Variants in MAML3 observed in about 807,000 individuals in gnomAD.
MAML3 encodes the protein mastermind like transcriptional coactivator 3, also known as mastermind-like protein 3.
In MAML3, 27 loss-of-function variants were observed where a neutral mutation model predicts 101.9. That is an observed-to-expected ratio of 0.27 (90% confidence interval 0.20 to 0.37). MAML3 has a LOEUF of 0.37. Ranked by LOEUF, MAML3 falls within the 10% of genes least tolerant of loss-of-function variation. The probability of loss-of-function intolerance (pLI) is 1.00; values close to 1 mark genes in which losing one functional copy is unlikely to be tolerated. For missense variants in MAML3, 1,316 were observed against 1,444.9 expected (o/e 0.91, Z 1.45); for synonymous variants, 501 against 555.9 (o/e 0.90, Z 1.39).
Position 139,735,472 on chromosome 4 carries a change from G to A in MAML3, c.2080-4805C>T, listed in dbSNP as rs554541125. Reference sequence around the variant, plus strand: ...GTAGGGGGGCAGTGGCGACCTCCGGGGGGGGAGGGTGGCGGACACCAGACC... The same window carrying A: ...GTAGGGGGGCAGTGGCGACCTCCGGAGGGGGAGGGTGGCGGACACCAGACC... On this transcript the variant is annotated intron_variant, in intron 2 of 4. Coordinates refer to ENST00000509479, the MANE Select transcript of MAML3 (RefSeq NM_018717.5). The surrounding 1 kb of genome is among the most constrained non-coding windows in gnomAD (Gnocchi z 5.8). Among the ~76,000 whole-genome samples, 10 of 151,896 alleles carry A rather than the reference G, an allele frequency of 6.6e-5. No homozygotes were observed. Among genetic ancestry groups the A allele is most frequent in the South Asian group, 2.1e-4 (1 of 4,802 alleles).
intron 1 of MAML3, among the ~76,000 whole-genome samples, chr4:139,901,753 T>C (rs1049766335): frequency 1.6e-4 from 24 of 152,332 alleles, no homozygotes; most frequent in African/African-American, 4.1e-4. Flanking sequence ...TTTCGATTTG[T>C]TTATTTTCTG....
At chr4:139,832,106 T>TCCAC (rs1197389329) in intron 2 of MAML3, among the ~76,000 whole-genome samples, 1 of 106,274 alleles carries the variant, frequency 9.4e-6, no homozygotes, top group African/African-American at 5.9e-5. Flanking sequence ...TTTTTTTTTT[T>TCCAC]TTTTTTTTTT....
intron 1 of MAML3, among the ~76,000 whole-genome samples, chr4:140,105,437 A>T (rs1264955217): frequency 6.6e-6 from 1 of 152,182 alleles, no homozygotes; most frequent in Non-Finnish European, 1.5e-5. Context: ...TTAGAGCTAA[A>T]CTAAGCCCAG....
At chr4:140,085,017 A>T (rs1353041659) in intron 1 of MAML3, among the ~76,000 whole-genome samples, 2 of 152,004 alleles carry the variant, frequency 1.3e-5, no homozygotes, top group East Asian at 3.9e-4. Context: ...TCATTTGGTG[A>T]TAATTTGGAA....
chr4:139,866,727 C>T (rs1467393708), intron 2 of MAML3, among the ~76,000 whole-genome samples: 1 of 152,124 alleles, frequency 6.6e-6, no homozygotes, highest in African/African-American at 2.4e-5. Context: ...GTCAGCCAAG[C>T]GAAGACGAAG....
At chr4:140,150,231 C>T (rs1040897468) in intron 1 of MAML3, among the ~76,000 whole-genome samples, 2 of 152,182 alleles carry the variant, frequency 1.3e-5, no homozygotes, top group Non-Finnish European at 2.9e-5. Flanking sequence ...ATGAAATCTA[C>T]AGCTGATGTC....
At chr4:139,783,802 C>A (rs4073209) in intron 2 of MAML3, among the ~76,000 whole-genome samples, 2 of 152,130 alleles carry the variant, frequency 1.3e-5, no homozygotes, top group African/African-American at 4.8e-5. Flanking sequence ...CCAGGACCCT[C>A]CCAGTCAGCG....
At position 139,889,495 on chromosome 4, in the gene MAML3, C is replaced by T. The variant is rs370843676; in HGVS notation, c.1941G>A (p.Gln647=). ...GCTGTGGAGGTGGCGGCTGCTGCTG[C>T]TGCTGCTGCTGCTGTTGCTGTTGCT... ...QQQQQQQQQQ[Q]QQQPPPPQLQ... The change falls in exon 2 of 5, where the codon CAG becomes CAA. Residue 647 remains glutamine, a synonymous_variant. Transcript: ENST00000509479. 142 of 1,612,556 alleles carry T rather than the reference C, an allele frequency of 8.8e-5. 2 individuals are homozygous for T. The highest frequency in any genetic ancestry group is 6.6e-4 in the Middle Eastern group (4 of 6,054).
At chr4:139,914,907 C>T (rs1732999274) in intron 1 of MAML3, among the ~76,000 whole-genome samples, 1 of 152,122 alleles carries the variant, frequency 6.6e-6, no homozygotes, top group Non-Finnish European at 1.5e-5. Context: ...CCAATTTCCA[C>T]ATGTTTTGGT....
At chr4:139,918,041 CTG>C (rs968997544) in intron 1 of MAML3, among the ~76,000 whole-genome samples, 22 of 152,108 alleles carry the variant, frequency 1.4e-4, no homozygotes, top group Admixed American at 6.5e-5. Context: ...TGTTCGGACG[CTG>C]TGTCTGTGTG....
At chr4:139,913,749 A>G (rs1301513103) in intron 1 of MAML3, among the ~76,000 whole-genome samples, 1 of 152,168 alleles carries the variant, frequency 6.6e-6, no homozygotes, top group African/African-American at 2.4e-5. Context: ...CGCCCCTTGG[A>G]AGGGTAGCTC....
chr4:140,047,415 G>A (rs1399193471), intron 1 of MAML3, among the ~76,000 whole-genome samples: 1 of 152,270 alleles, frequency 6.6e-6, no homozygotes, highest in Non-Finnish European at 1.5e-5. Flanking sequence ...GGTCCTGGCA[G>A]GTTTACTTGG....
At chr4:139,805,802 A>G (rs1730690806) in intron 2 of MAML3, among the ~76,000 whole-genome samples, 1 of 152,208 alleles carries the variant, frequency 6.6e-6, no homozygotes, top group South Asian at 2.1e-4. Flanking sequence ...AGAAGGCAAT[A>G]TGAGATGTTA....
chr4:139,939,745 G>T (rs1733564990), intron 1 of MAML3, among the ~76,000 whole-genome samples: 1 of 150,702 alleles, frequency 6.6e-6, no homozygotes, highest in South Asian at 2.1e-4. Context: ...GTGCACAGTA[G>T]GTTCTCAACA....
intron 1 of MAML3, among the ~76,000 whole-genome samples, chr4:139,999,736 T>C (rs1578636594): frequency 6.6e-6 from 1 of 152,336 alleles, no homozygotes; most frequent in African/African-American, 2.4e-5. Flanking sequence ...TGATAAAACA[T>C]TTGTCTTTTT....
At chr4:139,813,111 T>A (rs548614613) in intron 2 of MAML3, among the ~76,000 whole-genome samples, 26 of 151,454 alleles carry the variant, frequency 1.7e-4, no homozygotes, top group African/African-American at 6.0e-4. Flanking sequence ...GAAGGTTAGG[T>A]TAAAAACATC....
At chr4:139,798,513 T>C (rs1425438858) in intron 2 of MAML3, among the ~76,000 whole-genome samples, 1 of 152,170 alleles carries the variant, frequency 6.6e-6, no homozygotes, top group African/African-American at 2.4e-5. Context: ...ACAGCTTCTA[T>C]GGTAACTGTA....
At chr4:139,865,499 T>TG (rs200690036) in intron 2 of MAML3, among the ~76,000 whole-genome samples, 12 of 80,996 alleles carry the variant, frequency 1.5e-4, no homozygotes, top group Admixed American at 1.2e-3. Flanking sequence ...TTTTTTTGTT[T>TG]TTTTTTTTTT....
intron 1 of MAML3, among the ~76,000 whole-genome samples, chr4:139,902,666 G>C (rs736351): frequency 6.6e-6 from 1 of 152,018 alleles, no homozygotes; most frequent in African/African-American, 2.4e-5. Flanking sequence ...CAGAGCTCTG[G>C]AGCCTGGCGG....
Sources: allele counts gnomAD v4.1 joint callset (sites outside exome capture counted in the v4.1 genomes callset), GRCh38; gene constraint gnomAD v4.1.1; non-coding constraint Gnocchi (gnomAD v3.1); transcripts MANE v1.5; gene names NCBI Gene and HGNC (gene_info 2026-07-23, HGNC 2026-07-21).